Variants in NAA11 observed in about 807,000 individuals in gnomAD.
NAA11 encodes N-alpha-acetyltransferase 11, NatA catalytic subunit, also known as N-alpha-acetyltransferase 11.
A neutral mutation model predicts 16.1 loss-of-function variants in NAA11; 15 were observed. That is an observed-to-expected ratio of 0.93 (90% CI 0.62 to 1.44). The LOEUF is 1.44. Among genes scored for constraint, NAA11 ranks in the 40% most tolerant of loss-of-function variants. The pLI is 0.00. For missense variants in NAA11, 298 were observed against 291.3 expected (o/e 1.02, Z -0.17); for synonymous variants, 122 against 112.4 (o/e 1.09, Z -0.54).
At chr4:79,192,265 A>G in the NAA11 span, among the ~76,000 whole-genome samples, 2 of 151,898 alleles carry the variant, frequency 1.3e-5, no homozygotes. Flanking sequence ...TTTAGGGTAC[A>G]TGTGCACAAT....
chr4:79,294,453 A>G (rs1437099211), intron 1 of NAA11, among the ~76,000 whole-genome samples: 1 of 152,236 alleles, frequency 6.6e-6, no homozygotes, highest in African/African-American at 2.4e-5. Context: ...TTGCTAAATA[A>G]GAATAGAGAC....
At chr4:79,289,582 G>T (rs2109991416) in intron 2 of NAA11, among the ~76,000 whole-genome samples, 1 of 152,176 alleles carries the variant, frequency 6.6e-6, no homozygotes, top group African/African-American at 2.4e-5. Context: ...TGAAGAAAAA[G>T]CCAGAACTCA....
the NAA11 span, among the ~76,000 whole-genome samples, chr4:79,200,690 A>T: frequency 6.6e-6 from 1 of 151,842 alleles, no homozygotes; most frequent in Non-Finnish European, 1.5e-5. Flanking sequence ...TCAAACAATT[A>T]TAAAAATAGT....
At chr4:79,254,100 G>C (rs1722051080) in intron 2 of NAA11, among the ~76,000 whole-genome samples, 1 of 152,228 alleles carries the variant, frequency 6.6e-6, no homozygotes, top group African/African-American at 2.4e-5. Context: ...GGATTGGTGA[G>C]CTTTGATGAA....
intron 2 of NAA11, among the ~76,000 whole-genome samples, chr4:79,259,498 CT>C (rs1250200131): frequency 1.3e-5 from 2 of 152,318 alleles, no homozygotes; most frequent in African/African-American, 2.4e-5. Flanking sequence ...CACACTACCC[CT>C]CACTGCTCCC....
At chr4:79,166,223 C>T in the NAA11 span, among the ~76,000 whole-genome samples, 1 of 152,118 alleles carries the variant, frequency 6.6e-6, no homozygotes, top group African/African-American at 2.4e-5. Context: ...TTCTCTTGCA[C>T]GTCTTGCTGC....
At chr4:79,195,437 C>T in the NAA11 span, among the ~76,000 whole-genome samples, 1 of 152,010 alleles carries the variant, frequency 6.6e-6, no homozygotes, top group Non-Finnish European at 1.5e-5. Context: ...CATTTGAAGA[C>T]CACTGGTGAG....
intron 2 of NAA11, among the ~76,000 whole-genome samples, chr4:79,283,230 G>T (rs1197887750): frequency 6.6e-6 from 1 of 151,984 alleles, no homozygotes; most frequent in Non-Finnish European, 1.5e-5. Context: ...TCACTGTGAA[G>T]GGTGTAGTAT....
At chr4:79,194,739 C>T in the NAA11 span, among the ~76,000 whole-genome samples, 1 of 152,086 alleles carries the variant, frequency 6.6e-6, no homozygotes, top group Non-Finnish European at 1.5e-5. Flanking sequence ...ATTTAATAAA[C>T]ACTTTTCATA....
At chr4:79,241,914 A>G (rs1271808072) in intron 2 of NAA11, among the ~76,000 whole-genome samples, 1 of 152,234 alleles carries the variant, frequency 6.6e-6, no homozygotes, top group African/African-American at 2.4e-5. Context: ...ATGCTTTTCA[A>G]TAATGGAGAT....
intron 2 of NAA11, among the ~76,000 whole-genome samples, chr4:79,263,843 T>C (rs1445726074): frequency 6.6e-6 from 1 of 152,170 alleles, no homozygotes; most frequent in Non-Finnish European, 1.5e-5. Context: ...ACTTCCACTT[T>C]ATCTTCACTA....
At chr4:79,157,951 A>G in the NAA11 span, among the ~76,000 whole-genome samples, 1 of 135,876 alleles carries the variant, frequency 7.4e-6, no homozygotes, top group Non-Finnish European at 1.5e-5. Context: ...CCCAGGCTGG[A>G]GTACAGTGGC....
chr4:79,167,747 G>A, the NAA11 span, among the ~76,000 whole-genome samples: 1 of 151,954 alleles, frequency 6.6e-6, no homozygotes, highest in Non-Finnish European at 1.5e-5. Context: ...AGCTTCTCAG[G>A]GGGCCTCAGG....
chr4:79,178,393 C>G, the NAA11 span, among the ~76,000 whole-genome samples: 1 of 152,154 alleles, frequency 6.6e-6, no homozygotes, highest in South Asian at 2.1e-4. Context: ...ATTACTAAAT[C>G]AGTTACTGGA....
At chr4:79,253,555 G>C (rs1722040486) in intron 2 of NAA11, among the ~76,000 whole-genome samples, 1 of 151,704 alleles carries the variant, frequency 6.6e-6, no homozygotes, top group South Asian at 2.1e-4. Context: ...AAGAAGTGAT[G>C]AGAGAGAGAG....
the NAA11 span, among the ~76,000 whole-genome samples, chr4:79,171,043 A>G: frequency 2.6e-5 from 4 of 152,178 alleles, no homozygotes; most frequent in East Asian, 1.9e-4. Context: ...TGTTGATAAC[A>G]TAGTGCTTGG....
At chr4:79,291,027 T>A (rs552419788) in intron 2 of NAA11, among the ~76,000 whole-genome samples, 1 of 152,298 alleles carries the variant, frequency 6.6e-6, no homozygotes, top group South Asian at 2.1e-4. Flanking sequence ...TTCACATATA[T>A]ATATTACTGA....
intron 1 of NAA11, among the ~76,000 whole-genome samples, chr4:79,300,512 A>G (rs1422302031): frequency 6.6e-6 from 1 of 152,204 alleles, no homozygotes; most frequent in Non-Finnish European, 1.5e-5. Context: ...CATTTGATAA[A>G]TGTCCACCAT....
the NAA11 span, among the ~76,000 whole-genome samples, chr4:79,201,346 T>C: frequency 4.0e-5 from 6 of 151,718 alleles, no homozygotes; most frequent in Non-Finnish European, 7.4e-5. Flanking sequence ...AAATACCACA[T>C]TGAATGTACC....
Sources: gnomAD v4.1 joint callset for allele counts (sites outside exome capture counted in the v4.1 genomes callset) on GRCh38, gnomAD v4.1.1 for gene constraint, MANE v1.5 for transcripts, NCBI Gene and HGNC (gene_info 2026-07-23, HGNC 2026-07-21) for gene names.